TENM4: variants seen among roughly 807,000 people sequenced by gnomAD.
The protein encoded by TENM4 is teneurin transmembrane protein 4.
TENM4 carries 82 observed loss-of-function variants against 243.3 expected under a neutral mutation model. That is an observed-to-expected ratio of 0.34 (90% CI 0.28 to 0.40). The LOEUF (loss-of-function observed/expected upper bound fraction) is 0.40. Ranked by LOEUF, TENM4 falls within the 10% of genes least tolerant of loss-of-function variation. The pLI is 1.00. For missense variants in TENM4, 3,138 were observed against 3,673.3 expected (o/e 0.85, Z 3.77); for synonymous variants, 1,412 against 1,456.3 (o/e 0.97, Z 0.69).
In TENM4 at chr11:79,164,572, C is replaced by CTATATATACTATATACTA. The variant is rs1862866646; in HGVS notation, c.-162-15767_-162-15766insTAGTATATAGTATATATA. Among the ~76,000 whole-genome samples the CTATATATACTATATACTA allele has an allele frequency of 3.2e-5, 4 of 124,776 alleles. No individual in the cohort carries two copies. In the Admixed American group the frequency reaches 3.3e-4, roughly 10 times the overall value. The allele number at this position is 124,776 out of a possible 152,430, so 81.9% of individuals were successfully genotyped here. On this transcript the variant is annotated intron_variant, in intron 3 of 33. Coordinates refer to ENST00000278550, the MANE Select transcript of TENM4 (RefSeq NM_001098816.3). ...ATCTATATACTATATATACTATATA[C>CTATATATACTATATACTA]TATATATATACATATATATATCTAT... is the stretch of plus-strand genomic sequence containing the variant.
At chr11:79,017,870 T>C (rs1858820058) in intron 6 of TENM4, among the ~76,000 whole-genome samples, 3 of 152,202 alleles carry the variant, frequency 2.0e-5, no homozygotes, top group Admixed American at 2.0e-4. Flanking sequence ...TCTAATGCTC[T>C]ACTGTCACTG....
chr11:79,282,252 A>C (rs1856169671), intron 2 of TENM4, among the ~76,000 whole-genome samples: 1 of 152,144 alleles, frequency 6.6e-6, no homozygotes, highest in Admixed American at 6.5e-5. Context: ...TTTGGTAGCA[A>C]TTGTTTGTAT....
intron 6 of TENM4, among the ~76,000 whole-genome samples, chr11:79,003,402 G>A (rs1858386708): frequency 6.6e-6 from 1 of 151,910 alleles, no homozygotes; most frequent in South Asian, 2.1e-4. Context: ...GCAGCTAAAG[G>A]GAAGGGGAAG....
intron 9 of TENM4, among the ~76,000 whole-genome samples, chr11:78,878,759 C>T (rs143964174): frequency 3.3e-3 from 508 of 152,276 alleles, no homozygotes; most frequent in Non-Finnish European, 5.6e-3. Flanking sequence ...GAGCTGTTCA[C>T]GCCTTGTGAC....
intron 15 of TENM4, among the ~76,000 whole-genome samples, chr11:78,796,741 T>C (rs2136063898): frequency 6.6e-6 from 1 of 152,296 alleles, no homozygotes; most frequent in South Asian, 2.1e-4. Context: ...GCCACAAATA[T>C]CCTAAAAGCT....
intron 4 of TENM4, among the ~76,000 whole-genome samples, chr11:79,138,862 A>G (rs1462957294): frequency 8.4e-6 from 1 of 118,922 alleles, no homozygotes; most frequent in Admixed American, 1.0e-4. Context: ...TATACAAAAT[A>G]TACCTTATAT....
chr11:79,403,072 C>G (rs1388367266), intron 1 of TENM4, among the ~76,000 whole-genome samples: 1 of 152,154 alleles, frequency 6.6e-6, no homozygotes, highest in Non-Finnish European at 1.5e-5. Flanking sequence ...CTAATAGATG[C>G]AATCTATCTG....
chr11:78,706,888 C>A (rs1387600814), intron 27 of TENM4, among the ~76,000 whole-genome samples: 1 of 152,168 alleles, frequency 6.6e-6, no homozygotes, highest in Admixed American at 6.5e-5. Context: ...ACTCACTAGC[C>A]AGCAAGGGTA....
intron 3 of TENM4, among the ~76,000 whole-genome samples, chr11:79,204,395 C>A (rs1863806077): frequency 6.6e-6 from 1 of 152,122 alleles, no homozygotes; most frequent in Admixed American, 6.5e-5. Context: ...ATTTTTTATT[C>A]ATTCAACAAA....
intron 6 of TENM4, among the ~76,000 whole-genome samples, chr11:79,025,914 T>C (rs575071405): frequency 4.3e-4 from 66 of 152,200 alleles, no homozygotes; most frequent in Non-Finnish European, 9.0e-4. Context: ...GCACTCTGCT[T>C]GTGAGTGTAT....
At chr11:79,183,294 A>T (rs532341271) in intron 3 of TENM4, among the ~76,000 whole-genome samples, 19 of 152,192 alleles carry the variant, frequency 1.2e-4, no homozygotes, top group Non-Finnish European at 1.9e-4. Flanking sequence ...AAGTGAAGGA[A>T]GTCAATCCGA....
chr11:79,409,060 TTGTGTGTGTG>T (rs559211499), intron 1 of TENM4, among the ~76,000 whole-genome samples: 10,368 of 141,958 alleles, frequency 0.073, 404 homozygotes, highest in Middle Eastern at 0.084. Context: ...GAGGGATATT[TTGTGTGTGTG>T]TGTGTGTGTG....
At chr11:79,207,603 A>T (rs1004357351) in intron 3 of TENM4, among the ~76,000 whole-genome samples, 20 of 152,088 alleles carry the variant, frequency 1.3e-4, no homozygotes, top group African/African-American at 4.6e-4. Flanking sequence ...GGTGGCTCAC[A>T]CCTGTAATCC....
At position 78,895,408 on chromosome 11, in the gene TENM4, T is replaced by C. The variant is rs183503563; in HGVS notation, c.750-4072A>G. The stretch of plus-strand genomic sequence containing the variant: ...TAAACTTAGTTCTGGGTCAAATTAC[T>C]TGGTGTCATTTGATTGATGAGGAAA... On this transcript the variant is annotated intron_variant, in intron 7 of 33. Coordinates refer to ENST00000278550, the MANE Select transcript of TENM4 (RefSeq NM_001098816.3). Among the ~76,000 whole-genome samples the C allele has an allele frequency of 1.3e-3, 203 of 152,158 alleles. 3 individuals are homozygous for C. The highest frequency in any genetic ancestry group is 2.0e-3 in the Non-Finnish European group (134 of 68,014).
chr11:79,056,235 C>G (rs766067895), intron 6 of TENM4, among the ~76,000 whole-genome samples: 2 of 152,168 alleles, frequency 1.3e-5, no homozygotes, highest in Non-Finnish European at 2.9e-5. Context: ...ACAAAACTCT[C>G]ATTTGCTGTA....
At chr11:79,122,972 G>A (rs982109269) in intron 4 of TENM4, among the ~76,000 whole-genome samples, 80 of 152,202 alleles carry the variant, frequency 5.3e-4, no homozygotes, top group Admixed American at 5.0e-3. Flanking sequence ...AAGGGAACCT[G>A]AGCCTTACCT....
chr11:79,387,596 A>G (rs189330017), intron 1 of TENM4, among the ~76,000 whole-genome samples: 5 of 150,548 alleles, frequency 3.3e-5, no homozygotes, highest in African/African-American at 1.2e-4. Flanking sequence ...CACACATAGC[A>G]TGTACTTCAT....
At chr11:79,382,393 G>A (rs551991) in intron 1 of TENM4, among the ~76,000 whole-genome samples, 63,622 of 151,942 alleles carry the variant, frequency 0.42, 13,338 homozygotes, top group Non-Finnish European at 0.45. Flanking sequence ...CTTCGCTTTC[G>A]GTGGAATGAA....
intron 6 of TENM4, among the ~76,000 whole-genome samples, chr11:79,003,975 G>A (rs183767648): frequency 9.4e-4 from 138 of 146,678 alleles, no homozygotes; most frequent in African/African-American, 3.3e-3. Context: ...AAAACACAGG[G>A]GTTGCTATTC....
Sources: allele counts gnomAD v4.1 joint callset (sites outside exome capture counted in the v4.1 genomes callset), GRCh38; gene constraint gnomAD v4.1.1; transcripts MANE v1.5; gene names NCBI Gene and HGNC (gene_info 2026-07-23, HGNC 2026-07-21).